PMS2: variants seen among roughly 807,000 people sequenced by gnomAD.
The protein encoded by PMS2 is mismatch repair endonuclease PMS2.
Under a neutral mutation model 90.0 loss-of-function variants are expected in PMS2, and 69 were observed. The ratio of observed to expected loss-of-function variants is 0.77; its 90% CI spans 0.63 to 0.94. The LOEUF (loss-of-function observed/expected upper bound fraction) is 0.94, where lower values mean the gene tolerates loss of function less well. Ranked by LOEUF, PMS2 falls within the 40% of genes least tolerant of loss-of-function variation. The pLI is 0.00. For missense variants in PMS2, 966 were observed against 1,040.2 expected, an observed-to-expected ratio of 0.93 and a Z score of 0.98; for synonymous variants, 332 against 375.1, an observed-to-expected ratio of 0.89 and a Z score of 1.33.
At chr7:5,977,884 C>T in intron 13 of PMS2, 127 bp from the exon 14 acceptor site, 10 of 1,424,050 alleles carry the variant, frequency 7.0e-6, no homozygotes, top group Non-Finnish European at 9.8e-6. Flanking sequence ...CTTTGGGAGG[C>T]TGAGGCCAGC....
intron 8 of PMS2, 147 bp downstream of exon 8, chr7:5,995,387 C>T: frequency 3.0e-6 from 2 of 677,412 alleles, no homozygotes; most frequent in African/African-American, 1.8e-5. Context: ...CTGCGGTAGA[C>T]TTCTGTAAAT....
In PMS2 at chr7:6,004,044, C is replaced by T. The variant is rs587782176; in HGVS notation, c.178G>A (p.Asp60Asn). ...GATNIDLKLK[D>N]YGVDLIEVSD... Reference sequence around the variant, plus strand: ...ACTTCAATAAGATCCACTCCATAGTCCTTAAGCTTTAGATCTAGAAAGTTT... The same window carrying T: ...ACTTCAATAAGATCCACTCCATAGTTCTTAAGCTTTAGATCTAGAAAGTTT... Residue 60 changes from aspartate (D) to asparagine (N), a missense_variant, in exon 3 of 15, where the codon GAC becomes AAC. By Grantham distance (23) the Asp-to-Asn change is conservative. Around this residue, in one of 2 missense-constraint regions of PMS2, gnomAD observed 871 missense variants for 802.4 expected, o/e 1.09. Transcript: ENST00000265849. 47 of 1,585,604 alleles carry T rather than the reference C, an allele frequency of 3.0e-5. No homozygotes were observed. The highest frequency in any genetic ancestry group is 3.7e-5 in the Non-Finnish European group (43 of 1,156,274).
At chr7:5,996,010 G>T (rs940662223) in intron 7 of PMS2, among the ~76,000 whole-genome samples, 3 of 152,108 alleles carry the variant, frequency 2.0e-5, no homozygotes, top group Non-Finnish European at 4.4e-5. Flanking sequence ...CTAACCACTT[G>T]TGCTCAGAAT....
rs116292386 is a variant in PMS2 at position 5,999,818 on chromosome 7, G to A, written c.538-543C>T. On this transcript the variant is annotated intron_variant, in intron 5 of 14. Transcript: ENST00000265849. ...CTCTAAAAATGAAAATTAAAAAACT[G>A]AAACGTACATTGTGTTTGATTTTAT... 2.1e-3 allele frequency among the ~76,000 whole-genome samples: 317 copies of A among 152,044 alleles called. 1 individual carries two copies. Among genetic ancestry groups the A allele is most frequent in the African/African-American group, 7.4e-3 (307 of 41,502 alleles).
At chr7:5,977,844 G>C in intron 13 of PMS2, 87 bp from the exon 14 acceptor site, 7 of 1,559,396 alleles carry the variant, frequency 4.5e-6, no homozygotes, top group Non-Finnish European at 6.2e-6. Context: ...CTGAGGCCGG[G>C]CGTGGTGGCT....
chr7:5,994,713 T>C (rs1784182603), intron 8 of PMS2, among the ~76,000 whole-genome samples: 1 of 151,638 alleles, frequency 6.6e-6, no homozygotes, highest in Admixed American at 6.6e-5. Context: ...GAGGCGGAGC[T>C]TGCAGTGAGC....
chr7:5,978,112 C>T (rs1781906374), intron 13 of PMS2, among the ~76,000 whole-genome samples: 1 of 149,334 alleles, frequency 6.7e-6, no homozygotes, highest in African/African-American at 2.5e-5. Flanking sequence ...CAGAGCAAGA[C>T]TCCATCTCAG....
intron 8 of PMS2, among the ~76,000 whole-genome samples, chr7:5,994,090 A>G (rs1410547639): frequency 6.6e-6 from 1 of 151,326 alleles, no homozygotes; most frequent in African/African-American, 2.4e-5. Context: ...CAATTTAAAA[A>G]ACTATACAGA....
intron 8 of PMS2, 107 bp from the exon 9 acceptor site, chr7:5,992,164 T>C (rs1583346378): frequency 7.4e-6 from 5 of 675,654 alleles, no homozygotes; most frequent in South Asian, 3.2e-5. Context: ...TAGAAGGGGA[T>C]ACTTTTTTGT....
chr7:5,985,021 G>T (rs1437403896), intron 11 of PMS2, among the ~76,000 whole-genome samples: 1 of 151,606 alleles, frequency 6.6e-6, no homozygotes, highest in Non-Finnish European at 1.5e-5. Context: ...TATCTTTGAG[G>T]GTCTGTTTCC....
At chr7:5,994,378 C>G (rs1784130231) in intron 8 of PMS2, among the ~76,000 whole-genome samples, 1 of 151,038 alleles carries the variant, frequency 6.6e-6, no homozygotes, top group South Asian at 2.1e-4. Flanking sequence ...GAGACTCCAT[C>G]TCAAAAAAAA....
At chr7:6,003,929 T>C (rs1455829952) in intron 3 of PMS2, 43 bp downstream of exon 3, 3 of 1,382,976 alleles carry the variant, frequency 2.2e-6, no homozygotes, top group Non-Finnish European at 2.1e-6. Context: ...CTGAGACATG[T>C]GACCCAATTA....
chr7:6,006,699 G>A (rs1383408285), intron 1 of PMS2, among the ~76,000 whole-genome samples: 1 of 152,108 alleles, frequency 6.6e-6, no homozygotes, highest in African/African-American at 2.4e-5. Context: ...ACAGTATGCT[G>A]GGAAATACAC....
Position 5,999,138 on chromosome 7 carries a change from T to C in PMS2, c.675A>G (p.Glu225=), listed in dbSNP as rs876661233. The C allele has an allele frequency of 6.2e-7, 1 of 1,614,156 alleles. No individual in the cohort carries two copies. The highest frequency in any genetic ancestry group is 8.5e-7 in the Non-Finnish European group (1 of 1,180,030). ...TCTGCCCAAACACAGAGCCGATATT[T>C]TCCTTTATGCTGGGGCTTCCACCTG... is the stretch of plus-strand genomic sequence containing the variant. ...VCTGGSPSIK[E]NIGSVFGQKQ... Residue 225 remains glutamate (E), a synonymous_variant, in exon 6 of 15, where the codon GAA becomes GAG. Coordinates refer to ENST00000265849, the MANE Select transcript of PMS2 (RefSeq NM_000535.7).
At chr7:6,002,148 G>A in intron 5 of PMS2, 4 of 329,934 alleles carry the variant, frequency 1.2e-5, no homozygotes, top group South Asian at 1.1e-4. Flanking sequence ...TCCCACTTCA[G>A]CCTCCCAAGT....
chr7:5,996,590 A>AAATATAT (rs56858711), intron 7 of PMS2, among the ~76,000 whole-genome samples: 88 of 110,160 alleles, frequency 8.0e-4, no homozygotes, highest in East Asian at 4.0e-3. Context: ...AAAAAAAAAA[A>AAATATAT]ATATATATAT....
At chr7:5,990,376 A>G (rs1001816420) in intron 9 of PMS2, among the ~76,000 whole-genome samples, 8 of 152,230 alleles carry the variant, frequency 5.3e-5, no homozygotes, top group Admixed American at 3.9e-4. Flanking sequence ...CACAAGTGCT[A>G]TTAAAAACAT....
chr7:5,982,004 A>ATATAAAC (rs2128697422), intron 12 of PMS2, among the ~76,000 whole-genome samples: 1 of 152,056 alleles, frequency 6.6e-6, no homozygotes, highest in Non-Finnish European at 1.5e-5. Context: ...ATAGACACAC[A>ATATAAAC]TATAAACTAT....
intron 12 of PMS2, 37 bp downstream of exon 12, chr7:5,982,787 G>C (rs1191315087): frequency 1.2e-6 from 2 of 1,610,328 alleles, no homozygotes; most frequent in Non-Finnish European, 1.7e-6. Flanking sequence ...TCTTCAATTT[G>C]AGGGGGAGTC....
Sources: gnomAD v4.1 joint callset for allele counts (sites outside exome capture counted in the v4.1 genomes callset) on GRCh38, gnomAD v4.1.1 for gene constraint, gnomAD v4.1.1 regional missense constraint, MANE v1.5 for transcripts, NCBI Gene and HGNC (gene_info 2026-07-23, HGNC 2026-07-21) for gene names.